The following DAZAP1 variants were observed in gnomAD, a reference collection of about 807,000 sequenced individuals.
DAZAP1 encodes the protein DAZ associated protein 1.
Under a neutral mutation model 60.1 loss-of-function variants are expected in DAZAP1, and 6 were observed. That is an observed-to-expected ratio of 0.10 (90% confidence interval 0.05 to 0.20). The LOEUF (loss-of-function observed/expected upper bound fraction) is 0.20, where lower values mean the gene tolerates loss of function less well. Ranked by LOEUF, DAZAP1 falls within the 10% of genes least tolerant of loss-of-function variation. The pLI is 1.00. For missense variants in DAZAP1, 366 were observed against 560.4 expected (o/e 0.65, Z 3.50); for synonymous variants, 235 against 215.9 (o/e 1.09, Z -0.78).
chr19:1,430,428 G>A, intron 10 of DAZAP1, 66 bp downstream of exon 10: 8 of 1,396,910 alleles, frequency 5.7e-6, no homozygotes, highest in Non-Finnish European at 7.6e-6. Flanking sequence ...GGTGGGCGGG[G>A]TGATGGGGAG....
chr19:1,407,612 A>T lies in DAZAP1; in HGVS notation c.-162A>T, dbSNP rs975613165. 1 of 246,776 alleles carries T rather than the reference A, an allele frequency of 4.1e-6. No individual in the cohort carries two copies. The highest frequency in any genetic ancestry group is 5.7e-6 in the Non-Finnish European group (1 of 176,950). The allele number at this position is 246,776 out of a possible 1,614,324, so 15.3% of individuals were successfully genotyped here. On this transcript the variant is annotated 5_prime_UTR_variant, in exon 1 of 12. Transcript: ENST00000233078. ...CGCGGTGACCGTTGGCGCCGAGGGG[A>T]GGAGGCAGCCGCCGCCGCCGCCGCC...
chr19:1,417,225 C>G (rs1328965650), intron 1 of DAZAP1: 2 of 512,084 alleles, frequency 3.9e-6, no homozygotes. Flanking sequence ...CTGGCCTGTC[C>G]CAGGAACTCA....
At chr19:1,410,754 C>T (rs548219382) in intron 1 of DAZAP1, among the ~76,000 whole-genome samples, 20 of 152,324 alleles carry the variant, frequency 1.3e-4, no homozygotes, top group African/African-American at 4.8e-4. Context: ...TTGTGTTCTG[C>T]TGGCTTCCAA....
rs949062857 is a variant in DAZAP1, at chr19:1,434,719, C to T, written c.1049-18C>T. The T allele has an allele frequency of 6.2e-7, 1 of 1,609,436 alleles. No homozygotes were observed. The highest frequency in any genetic ancestry group is 1.3e-5 in the African/African-American group (1 of 74,454). ...CCGCCCAGGGACCGCCCCGAGCTCA[C>T]AGGACTTTCTCCCCCAGCAGGTTAC... On this transcript the variant is annotated intron_variant, in intron 11 of 11. Coordinates refer to ENST00000233078, the MANE Select transcript of DAZAP1 (RefSeq NM_018959.4). This position sits in a 1 kb window ranked among gnomAD's most constrained non-coding sequence, Gnocchi z 8.0.
In DAZAP1 at chr19:1,423,613, C is replaced by A. The variant is rs1349659628; in HGVS notation, c.463+1217C>A. ...TCAGGGCGCCTCCCCCAGGACCCAG[C>A]GCCTCTTGCACTGTGCCCGGACCAG... is the stretch of plus-strand genomic sequence containing the variant. On this transcript the variant is annotated intron_variant, in intron 6 of 11. Transcript: ENST00000233078. This position sits in a 1 kb window ranked among gnomAD's most constrained non-coding sequence, Gnocchi z 6.8. Among the ~76,000 whole-genome samples the A allele has an allele frequency of 6.6e-6, 1 of 152,240 alleles. No individual in the cohort carries two copies. The highest frequency in any genetic ancestry group is 6.5e-5 in the Admixed American group (1 of 15,292).
At chr19:1,429,838 G>T in intron 8 of DAZAP1, 129 bp from the exon 9 acceptor site, 1 of 1,149,558 alleles carries the variant, frequency 8.7e-7, no homozygotes, top group South Asian at 1.5e-5. Flanking sequence ...CCCTCAGGAC[G>T]AACAGGCTCT....
intron 6 of DAZAP1, among the ~76,000 whole-genome samples, chr19:1,424,635 AC>A (rs1052174275): frequency 2.7e-5 from 4 of 147,492 alleles, no homozygotes; most frequent in African/African-American, 1.0e-4. Context: ...GCCTGTTCCC[AC>A]CCCCCACGGC....
In DAZAP1 at chr19:1,430,285, A is replaced by C; in HGVS notation, c.794A>C (p.Tyr265Ser). The C allele has an allele frequency of 6.8e-7, 1 of 1,470,650 alleles. No homozygotes were observed. Among genetic ancestry groups the C allele is most frequent in the Non-Finnish European group, 9.3e-7 (1 of 1,080,054 alleles). 91.1% of individuals were successfully genotyped at this position (1,470,650 alleles called of 1,614,324 possible). ...CCGCCACCCCCACCGTTCACCTCCT[A>C]CATCGTGTCCACCCCTCCTGGAGGC... ...APPPPPPFTS[Y>S]IVSTPPGGFP... is the part of the protein sequence containing the mutation. Residue 265 changes from tyrosine to serine, a missense_variant, in exon 10 of 12, where the codon TAC (tyrosine) becomes TCC (serine). Physicochemically the swap from Tyr to Ser is moderately radical, Grantham distance 144. Transcript: ENST00000233078.
chr19:1,408,801 G>A (rs1336844432), intron 1 of DAZAP1, among the ~76,000 whole-genome samples: 1 of 152,232 alleles, frequency 6.6e-6, no homozygotes, highest in Admixed American at 6.5e-5. Flanking sequence ...CCCAGGGCTC[G>A]GCGCCATTCT....
Position 1,434,969 on chromosome 19 carries a change from C to T in DAZAP1, c.*57C>T, listed in dbSNP as rs548369784. On this transcript the variant is annotated 3_prime_UTR_variant, in exon 12 of 12. Coordinates refer to ENST00000233078, the MANE Select transcript of DAZAP1 (RefSeq NM_018959.4). The surrounding 1 kb of genome is among the most constrained non-coding windows in gnomAD (Gnocchi z 8.0). ...ACCCAGGATTCCAAACTTGTGAACT[C>T]GTGACAATCACAAACTTGGCGGCAA... 51 of 1,149,350 alleles carry T rather than the reference C, an allele frequency of 4.4e-5. No individual in the cohort carries two copies. The African/African-American group carries it at 5.7e-4, about 13-fold the overall frequency. The allele number at this position is 1,149,350 out of a possible 1,614,324, so 71.2% of individuals were successfully genotyped here.
chr19:1,434,095 C>T lies in DAZAP1; in HGVS notation c.1049-642C>T, dbSNP rs552100206. The T allele has an allele frequency of 2.9e-5, 15 of 513,696 alleles. No individual in the cohort carries two copies. Among genetic ancestry groups the T allele is most frequent in the South Asian group, 1.4e-4 (6 of 44,368 alleles). 31.8% of individuals were successfully genotyped at this position (513,696 alleles called of 1,614,324 possible). ...GCAAGGTGTGCAGCGGGGTGGGGAG[C>T]GGCGTGAGCAGCTCTGTCCTTGTAA... On this transcript the variant is annotated intron_variant, in intron 11 of 11. Transcript: ENST00000233078. This position sits in a 1 kb window ranked among gnomAD's most constrained non-coding sequence, Gnocchi z 8.0.
rs1336006438 is a variant in DAZAP1, at chr19:1,420,484, GA to G, written c.304-650del. Among the ~76,000 whole-genome samples, 1,060 of 140,788 alleles carry G rather than the reference GA, an allele frequency of 7.5e-3. 8 individuals carry two copies. Among genetic ancestry groups the G allele is most frequent in the African/African-American group, 0.019 (740 of 38,472 alleles). The allele number at this position is 140,788 out of a possible 152,430, so 92.4% of individuals were successfully genotyped here. Reference sequence around the variant, plus strand: ...TTAAAATGTGATAGCCTTGGATAGGGAAAAAAAAAAAAAAGGATGGTTGGTG... The same window carrying G: ...TTAAAATGTGATAGCCTTGGATAGGGAAAAAAAAAAAAAGGATGGTTGGTG... On this transcript the variant is annotated intron_variant, in intron 4 of 11. Transcript: ENST00000233078.
intron 1 of DAZAP1, among the ~76,000 whole-genome samples, chr19:1,412,047 C>T (rs2082845944): frequency 6.6e-6 from 1 of 152,216 alleles, no homozygotes; most frequent in African/African-American, 2.4e-5. Flanking sequence ...AAGGAGAACA[C>T]TGGTCCGCCT....
rs931215856 is a variant in DAZAP1, at chr19:1,414,125, C to T, written c.30-3375C>T. On this transcript the variant is annotated intron_variant, in intron 1 of 11. Coordinates refer to ENST00000233078, the MANE Select transcript of DAZAP1 (RefSeq NM_018959.4). ...CCGCCTCCCGGGTTCAAGCAGTACACCTCGAGCTCAGCCTCCCGAGTGGCT... is the reference window on the plus strand; with the variant it reads ...CCGCCTCCCGGGTTCAAGCAGTACATCTCGAGCTCAGCCTCCCGAGTGGCT... 1.1e-4 allele frequency among the ~76,000 whole-genome samples: 16 copies of T among 151,918 alleles called. 1 individual carries two copies. Among genetic ancestry groups the T allele is most frequent in the South Asian group, 4.2e-4 (2 of 4,788 alleles).
At position 1,428,608 on chromosome 19, in the gene DAZAP1, T is replaced by C; in HGVS notation, c.547-234T>C. 1 of 518,092 alleles carries C rather than the reference T, an allele frequency of 1.9e-6. No homozygotes were observed. The highest frequency in any genetic ancestry group is 3.3e-6 in the Non-Finnish European group (1 of 300,484). The allele number at this position is 518,092 out of a possible 1,614,324, so 32.1% of individuals were successfully genotyped here. A position where few individuals can be genotyped will look rare whatever the true frequency, so the allele number is the denominator to read the frequency against. On this transcript the variant is annotated intron_variant, in intron 7 of 11. Coordinates refer to ENST00000233078, the MANE Select transcript of DAZAP1 (RefSeq NM_018959.4). This position sits in a 1 kb window ranked among gnomAD's most constrained non-coding sequence, Gnocchi z 4.0. ...TGCCCCGCAGTGGGCGGGCTCTGTG[T>C]GTCTTACGGTTGCATCTGTTGTACC... is the stretch of plus-strand genomic sequence containing the variant.
intron 9 of DAZAP1, 98 bp from the exon 10 acceptor site, chr19:1,430,124 A>C (rs1600241947): frequency 1.3e-6 from 2 of 1,536,074 alleles, no homozygotes; most frequent in South Asian, 2.3e-5. Context: ...AGAGAGGGTG[A>C]GGGGCCTGCT....
rs866377793 is a variant in DAZAP1, at chr19:1,419,872, A to G, written c.303+1141A>G. ...GTGAAACCATCCCGACCGTCACGGC[A>G]GCGAGCACTCACCCCACGCACACAC... On this transcript the variant is annotated intron_variant, in intron 4 of 11. Coordinates refer to ENST00000233078, the MANE Select transcript of DAZAP1 (RefSeq NM_018959.4). 1.9e-3 allele frequency among the ~76,000 whole-genome samples: 222 copies of G among 114,622 alleles called. 1 individual carries two copies. Among genetic ancestry groups the G allele is most frequent in the African/African-American group, 5.9e-3 (170 of 28,966 alleles). The allele number at this position is 114,622 out of a possible 152,430, so 75.2% of individuals were successfully genotyped here. A position where few individuals can be genotyped will look rare whatever the true frequency, so the allele number is the denominator to read the frequency against.
At chr19:1,411,751 G>A (rs1015147596) in intron 1 of DAZAP1, among the ~76,000 whole-genome samples, 1 of 152,224 alleles carries the variant, frequency 6.6e-6, no homozygotes, top group Non-Finnish European at 1.5e-5. Flanking sequence ...TGGGCCCGGG[G>A]TCACCCCAGG....
At chr19:1,415,796 G>A (rs1381249181) in intron 1 of DAZAP1, 1 of 152,170 alleles carries the variant, frequency 6.6e-6, no homozygotes, top group African/African-American at 2.4e-5. Context: ...TGCCTTTTCA[G>A]ATCTCGTCTC....
Sources: allele counts gnomAD v4.1 joint callset (sites outside exome capture counted in the v4.1 genomes callset), GRCh38; gene constraint gnomAD v4.1.1; non-coding constraint Gnocchi (gnomAD v3.1); transcripts MANE v1.5; gene names NCBI Gene and HGNC (gene_info 2026-07-23, HGNC 2026-07-21).